The following AFAP1L2 variants were observed in gnomAD, a reference collection of about 807,000 sequenced individuals.
AFAP1L2 encodes the protein actin filament-associated protein 1-like 2.
AFAP1L2 carries 46 observed loss-of-function variants against 99.3 expected under a neutral mutation model. That is an observed-to-expected ratio of 0.46 (90% CI 0.37 to 0.59). The LOEUF is 0.59. AFAP1L2 is among the 20% of genes least tolerant of loss of function. The pLI is 0.00. For missense variants in AFAP1L2, 959 were observed against 1,034.9 expected (o/e 0.93, Z 1.01); for synonymous variants, 397 against 419.1 (o/e 0.95, Z 0.64).
chr10:114,286,261 A>G, the AFAP1L2 span: 1 of 1,611,222 alleles, frequency 6.2e-7, no homozygotes, highest in Non-Finnish European at 8.5e-7. Context: ...CCACCAGGAC[A>G]GGCCAGGACC....
chr10:114,296,305 T>C, intron 18 of AFAP1L2: 1 of 546,754 alleles, frequency 1.8e-6, no homozygotes, highest in South Asian at 2.4e-5. Flanking sequence ...AACAAGGGAG[T>C]GGAGGTTCAG....
intron 1 of AFAP1L2, among the ~76,000 whole-genome samples, chr10:114,349,602 A>C (rs1345689967): frequency 6.7e-6 from 1 of 150,046 alleles, no homozygotes; most frequent in Non-Finnish European, 1.5e-5. Context: ...AAGGGTCAAG[A>C]TGTCTCAAGA....
At chr10:114,286,447 T>C in the AFAP1L2 span, 1 of 1,611,044 alleles carries the variant, frequency 6.2e-7, no homozygotes, top group Non-Finnish European at 8.5e-7. Flanking sequence ...TCTACTCGGA[T>C]CCTCAGGATC....
chr10:114,305,898 GGGTGCAGGAGGGGACACA>G (rs1447100970), intron 10 of AFAP1L2, among the ~76,000 whole-genome samples: 2 of 115,744 alleles, frequency 1.7e-5, no homozygotes, highest in African/African-American at 6.7e-5. Flanking sequence ...GAGGGGACGC[GGGTGCAGGAGGGGACACA>G]GGTGCAGGAG....
Position 114,331,862 on chromosome 10 carries a change from G to T in AFAP1L2, c.256C>A (p.Pro86Thr). The T allele has an allele frequency of 1.5e-6, 2 of 1,375,482 alleles. No individual in the cohort carries two copies. The highest frequency in any genetic ancestry group is 1.9e-6 in the Non-Finnish European group (2 of 1,056,594). 85.2% of individuals were successfully genotyped at this position (1,375,482 alleles called of 1,614,324 possible). A position where few individuals can be genotyped will look rare whatever the true frequency, so the allele number is the denominator to read the frequency against. The change falls in exon 4 of 19, where the codon CCC (proline) becomes ACC (threonine). Residue 86 changes from proline to threonine, a missense_variant. Pro to Thr is a conservative substitution (Grantham distance 38). Coordinates refer to ENST00000304129, the MANE Select transcript of AFAP1L2 (RefSeq NM_001001936.3). The stretch of plus-strand genomic sequence containing the variant: ...TGAGGGGCCGAGGAGTGCTGGCTGG[G>T]CTCCCCATTGGGTAGCAGGCCCTGC... Reference protein sequence around the residue: ...EEQGLLPNGEPSQHSSAPQKS... With the variant: ...EEQGLLPNGETSQHSSAPQKS...
At chr10:114,332,884 G>A (rs1345888096) in intron 3 of AFAP1L2, among the ~76,000 whole-genome samples, 1 of 152,156 alleles carries the variant, frequency 6.6e-6, no homozygotes, top group Non-Finnish European at 1.5e-5. Context: ...TCTATCAAAA[G>A]ACATAAAGGC....
chr10:114,323,289 T>C, intron 4 of AFAP1L2, 28 bp from the exon 5 acceptor site: 1 of 1,557,568 alleles, frequency 6.4e-7, no homozygotes, highest in Non-Finnish European at 8.7e-7. Context: ...AAGACAAACG[T>C]TTGCAGATAT....
At chr10:114,314,958 T>C (rs149625090) in intron 6 of AFAP1L2, among the ~76,000 whole-genome samples, 3,261 of 152,122 alleles carry the variant, frequency 0.021, 118 homozygotes, top group African/African-American at 0.073. Context: ...CTGACCAACA[T>C]GGTGAAACCC....
intron 1 of AFAP1L2, among the ~76,000 whole-genome samples, chr10:114,384,036 A>G (rs998638210): frequency 2.0e-5 from 3 of 152,144 alleles, no homozygotes; most frequent in African/African-American, 7.2e-5. Context: ...TGTCCATCCA[A>G]TGACAAAGGA....
chr10:114,289,494 G>T, the AFAP1L2 span: 2 of 1,614,048 alleles, frequency 1.2e-6, no homozygotes, highest in South Asian at 2.2e-5. Context: ...GTGGAGGTGA[G>T]TGGGGGAATC....
At chr10:114,338,256 G>T (rs1465678006) in intron 2 of AFAP1L2, among the ~76,000 whole-genome samples, 1 of 152,212 alleles carries the variant, frequency 6.6e-6, no homozygotes, top group African/African-American at 2.4e-5. Context: ...GCCAGGGCAG[G>T]TGGAGACTTC....
At chr10:114,360,096 T>C (rs7094255) in intron 1 of AFAP1L2, among the ~76,000 whole-genome samples, 14,786 of 152,232 alleles carry the variant, frequency 0.097, 1,866 homozygotes, top group African/African-American at 0.29. Flanking sequence ...GTGACAGGAA[T>C]ATTTGAATCA....
intron 4 of AFAP1L2, among the ~76,000 whole-genome samples, chr10:114,329,317 G>A (rs927138772): frequency 6.6e-6 from 1 of 152,184 alleles, no homozygotes; most frequent in Non-Finnish European, 1.5e-5. Context: ...GGGACTCTCC[G>A]TGGCCCAATT....
chr10:114,285,398 A>G, the AFAP1L2 span, among the ~76,000 whole-genome samples: 1 of 152,268 alleles, frequency 6.6e-6, no homozygotes, highest in Non-Finnish European at 1.5e-5. Context: ...TGGGTGGTTG[A>G]GAGTTTTAAA....
chr10:114,401,595 T>G (rs997837513), intron 1 of AFAP1L2, among the ~76,000 whole-genome samples: 4 of 152,152 alleles, frequency 2.6e-5, no homozygotes, highest in Admixed American at 6.5e-5. Flanking sequence ...CTCATAAAAG[T>G]GCCATCTCTC....
intron 1 of AFAP1L2, among the ~76,000 whole-genome samples, chr10:114,382,586 C>CTTT (rs1554956153): frequency 1.2e-5 from 1 of 80,734 alleles, no homozygotes; most frequent in Non-Finnish European, 2.2e-5. Flanking sequence ...TATATTTCTT[C>CTTT]TCTTTTTTTT....
In AFAP1L2 at chr10:114,300,450, C is replaced by T. The variant is rs146448425; in HGVS notation, c.1783G>A (p.Glu595Lys). The change falls in exon 14 of 19, where the codon GAA (glutamate) becomes AAA (lysine). Residue 595 changes from glutamate to lysine, a missense_variant. By Grantham distance (56) the Glu-to-Lys change is moderately conservative (BLOSUM62 1). This residue lies in a region of AFAP1L2 where 576 missense variants were observed against 562.1 expected (regional missense o/e 1.02). Coordinates refer to ENST00000304129, the MANE Select transcript of AFAP1L2 (RefSeq NM_001001936.3). ...CCTGCAGGGGAGGCCTGTACCTGTT[C>T]TCCCAGGTTCTCTGGACACTTTATG... ...PCIKCPENLG[E>K]QQLESLEPED... 67 of 1,613,442 alleles carry T rather than the reference C, an allele frequency of 4.2e-5. No homozygotes were observed. The East Asian group carries it at 1.5e-3, about 35-fold the overall frequency.
intron 1 of AFAP1L2, among the ~76,000 whole-genome samples, chr10:114,372,404 C>T (rs1056274980): frequency 6.6e-6 from 1 of 152,102 alleles, no homozygotes; most frequent in African/African-American, 2.4e-5. Flanking sequence ...AGGGCTGGGC[C>T]GGGTAGGAGG....
chr10:114,333,379 G>A, intron 2 of AFAP1L2, 84 bp from the exon 3 acceptor site: 1 of 1,047,110 alleles, frequency 9.6e-7, no homozygotes, highest in Non-Finnish European at 1.5e-6. Context: ...CTCCAGAGCT[G>A]TTTTCATCTG....
Sources: allele counts gnomAD v4.1 joint callset (sites outside exome capture counted in the v4.1 genomes callset), GRCh38; gene constraint gnomAD v4.1.1; regional missense constraint gnomAD v4.1.1; transcripts MANE v1.5; gene names NCBI Gene and HGNC (gene_info 2026-07-23, HGNC 2026-07-21).